PPM1E: variants seen among roughly 807,000 people sequenced by gnomAD.
PPM1E encodes protein phosphatase, Mg2+/Mn2+ dependent 1E, also known as protein phosphatase 1E.
A neutral mutation model predicts 65.9 loss-of-function variants in PPM1E; 20 were observed. The ratio of observed to expected loss-of-function variants is 0.30; its 90% CI spans 0.21 to 0.44. The LOEUF (loss-of-function observed/expected upper bound fraction) is 0.44, where lower values mean the gene tolerates loss of function less well. PPM1E is among the 20% of genes least tolerant of loss of function. PPM1E has a pLI of 1.00. For missense variants in PPM1E, 713 were observed against 953.1 expected, an observed-to-expected ratio of 0.75 and a Z score of 3.32; for synonymous variants, 352 against 374.9, an observed-to-expected ratio of 0.94 and a Z score of 0.70.
chr17:58,816,782 ATATATATATATATTTTTT>A (rs1476089454), intron 1 of PPM1E, among the ~76,000 whole-genome samples: 29 of 8,558 alleles, frequency 3.4e-3, no homozygotes, highest in East Asian at 0.03. Context: ...ATATATATAT[ATATATATATATATTTTTT>A]TTTTTTTTTT....
intron 1 of PPM1E, among the ~76,000 whole-genome samples, chr17:58,944,335 C>G (rs558040756): frequency 2.6e-5 from 4 of 152,232 alleles, no homozygotes; most frequent in African/African-American, 9.6e-5. Flanking sequence ...TGTTCCTTCT[C>G]TACTCCCACT....
intron 1 of PPM1E, among the ~76,000 whole-genome samples, chr17:58,847,697 G>C (rs959928127): frequency 6.6e-6 from 1 of 152,286 alleles, no homozygotes; most frequent in African/African-American, 2.4e-5. Flanking sequence ...TTTGAAGTCA[G>C]GTAGCATGAT....
chr17:58,951,628 T>C (rs1162469539), intron 1 of PPM1E: 1 of 150,966 alleles, frequency 6.6e-6, no homozygotes, highest in African/African-American at 2.4e-5. Context: ...TGAGCCAAGA[T>C]TGTACCACTG....
chr17:58,766,294 C>G (rs1182650472), intron 1 of PPM1E, among the ~76,000 whole-genome samples: 2 of 150,070 alleles, frequency 1.3e-5, no homozygotes, highest in Non-Finnish European at 3.0e-5. Flanking sequence ...CTCCGCCTCC[C>G]AGGTTCAAGC....
At chr17:58,805,976 A>AC (rs2050306702) in intron 1 of PPM1E, among the ~76,000 whole-genome samples, 2 of 109,326 alleles carry the variant, frequency 1.8e-5, no homozygotes, top group African/African-American at 4.4e-5. Flanking sequence ...AAAAAAAACA[A>AC]AAAAAAAACA....
intron 1 of PPM1E, among the ~76,000 whole-genome samples, chr17:58,820,320 T>G (rs1298663341): frequency 6.6e-6 from 1 of 152,164 alleles, no homozygotes; most frequent in East Asian, 1.9e-4. Context: ...TGGCTCCACT[T>G]ACTAATTTTG....
intron 1 of PPM1E, among the ~76,000 whole-genome samples, chr17:58,785,082 T>TCTATACAA (rs1227341569): frequency 6.6e-6 from 1 of 152,106 alleles, no homozygotes; most frequent in East Asian, 1.9e-4. Context: ...CTATGTGTTC[T>TCTATACAA]CTTAAGAGTT....
intron 1 of PPM1E, among the ~76,000 whole-genome samples, chr17:58,871,682 G>A (rs1344403918): frequency 6.6e-6 from 1 of 151,750 alleles, no homozygotes; most frequent in Non-Finnish European, 1.5e-5. Flanking sequence ...CAGGTGTGGG[G>A]ACGCACACCT....
chr17:58,953,798 A>T (rs975535244), intron 1 of PPM1E, among the ~76,000 whole-genome samples: 17 of 148,068 alleles, frequency 1.1e-4, no homozygotes, highest in Non-Finnish European at 2.1e-4. Flanking sequence ...CCCAGGCTAG[A>T]GTGCAATGGC....
intron 1 of PPM1E, among the ~76,000 whole-genome samples, chr17:58,782,944 A>T (rs1161644550): frequency 6.6e-6 from 1 of 152,202 alleles, no homozygotes; most frequent in East Asian, 1.9e-4. Context: ...AATAATATTT[A>T]TTCTGTAAGA....
At chr17:58,828,474 G>T (rs758009152) in intron 1 of PPM1E, among the ~76,000 whole-genome samples, 1 of 151,766 alleles carries the variant, frequency 6.6e-6, no homozygotes, top group Non-Finnish European at 1.5e-5. Context: ...TTGTTTGTTT[G>T]TTTTTTTAAG....
intron 1 of PPM1E, among the ~76,000 whole-genome samples, chr17:58,883,443 A>G (rs2051226652): frequency 7.1e-6 from 1 of 141,162 alleles, no homozygotes; most frequent in South Asian, 2.3e-4. Context: ...TTCCAAATAC[A>G]GGCTTTCTTT....
At chr17:58,946,655 T>G (rs929230100) in intron 1 of PPM1E, among the ~76,000 whole-genome samples, 1 of 152,096 alleles carries the variant, frequency 6.6e-6, no homozygotes, top group African/African-American at 2.4e-5. Flanking sequence ...AGGGTCTTGT[T>G]AAGTTGCCCA....
intron 1 of PPM1E, among the ~76,000 whole-genome samples, chr17:58,802,473 C>T (rs1479765148): frequency 6.6e-6 from 1 of 152,104 alleles, no homozygotes; most frequent in Non-Finnish European, 1.5e-5. Flanking sequence ...TGTGATGCCT[C>T]CAGCTTTGTT....
At chr17:58,974,145 A>C (rs1765036818) in intron 6 of PPM1E, among the ~76,000 whole-genome samples, 1 of 152,004 alleles carries the variant, frequency 6.6e-6, no homozygotes, top group South Asian at 2.1e-4. Context: ...AAAACAAAAA[A>C]TCATAGTGTT....
intron 1 of PPM1E, among the ~76,000 whole-genome samples, chr17:58,921,052 T>TA (rs1312650871): frequency 1.3e-5 from 2 of 152,074 alleles, no homozygotes; most frequent in African/African-American, 4.8e-5. Context: ...CCAAATAAAA[T>TA]GAAGATGAGA....
At chr17:58,841,399 G>C (rs2050716065) in intron 1 of PPM1E, among the ~76,000 whole-genome samples, 1 of 152,088 alleles carries the variant, frequency 6.6e-6, no homozygotes, top group South Asian at 2.1e-4. Context: ...AATATAAACA[G>C]TCATAAATCA....
intron 1 of PPM1E, among the ~76,000 whole-genome samples, chr17:58,806,553 A>G (rs889383159): frequency 6.6e-6 from 1 of 152,072 alleles, no homozygotes; most frequent in East Asian, 1.9e-4. Flanking sequence ...CCTGTCTCCA[A>G]CAAGGGCTCA....
chr17:58,795,849 G>A (rs2050200995), intron 1 of PPM1E, among the ~76,000 whole-genome samples: 1 of 152,076 alleles, frequency 6.6e-6, no homozygotes, highest in East Asian at 1.9e-4. Flanking sequence ...TGAAGTGTCT[G>A]TTCATATCCT....
Sources: allele counts gnomAD v4.1 joint callset (sites outside exome capture counted in the v4.1 genomes callset), GRCh38; gene constraint gnomAD v4.1.1; transcripts MANE v1.5; gene names NCBI Gene and HGNC (gene_info 2026-07-23, HGNC 2026-07-21).